The following MDGA2 variants were observed in gnomAD, a reference collection of about 807,000 sequenced individuals.
MDGA2 encodes MAM domain containing glycosylphosphatidylinositol anchor 2.
MDGA2 carries 40 observed loss-of-function variants against 117.8 expected under a neutral mutation model. The observed-to-expected ratio is 0.34, with a 90% CI of 0.26 to 0.44. MDGA2 has a LOEUF of 0.44. Among genes scored for constraint, MDGA2 ranks in the 20% least tolerant of loss-of-function variants. The pLI, the probability that MDGA2 is intolerant of heterozygous loss-of-function variation, is 1.00. For missense variants in MDGA2, 1,123 were observed against 1,250.6 expected (o/e 0.90, Z 1.54); for synonymous variants, 452 against 439.0 (o/e 1.03, Z -0.37).
chr14:46,873,113 T>A (rs552061699), intron 14 of MDGA2, among the ~76,000 whole-genome samples: 1 of 151,994 alleles, frequency 6.6e-6, no homozygotes. Context: ...TGTCGAAGCA[T>A]GTTTCTTCGG....
chr14:47,272,192 C>A (rs1594765585), intron 2 of MDGA2, among the ~76,000 whole-genome samples: 1 of 151,742 alleles, frequency 6.6e-6, no homozygotes, highest in African/African-American at 2.4e-5. Context: ...TCGTTGAGAC[C>A]TAACTACCTG....
At chr14:47,129,013 T>C (rs1882050126) in intron 5 of MDGA2, among the ~76,000 whole-genome samples, 1 of 152,150 alleles carries the variant, frequency 6.6e-6, no homozygotes, top group Non-Finnish European at 1.5e-5. Flanking sequence ...CTTATGATTA[T>C]TGATAAAGTT....
chr14:47,468,797 G>C (rs1208460375), intron 1 of MDGA2, among the ~76,000 whole-genome samples: 1 of 152,058 alleles, frequency 6.6e-6, no homozygotes, highest in Non-Finnish European at 1.5e-5. Context: ...CAGGTGCATT[G>C]CTTTTCACAT....
intron 1 of MDGA2, among the ~76,000 whole-genome samples, chr14:47,609,321 T>C (rs1165377968): frequency 6.7e-6 from 1 of 149,196 alleles, no homozygotes; most frequent in African/African-American, 2.5e-5. Flanking sequence ...CAATGTTTGG[T>C]TTTCCATTCC....
intron 1 of MDGA2, among the ~76,000 whole-genome samples, chr14:47,482,887 C>T (rs940555650): frequency 2.7e-5 from 4 of 145,974 alleles, no homozygotes; most frequent in Admixed American, 7.0e-5. Flanking sequence ...TCTGAAGGAT[C>T]GGATGGTGGA....
At chr14:47,597,074 T>C (rs778549772) in intron 1 of MDGA2, among the ~76,000 whole-genome samples, 40 of 152,158 alleles carry the variant, frequency 2.6e-4, no homozygotes, top group Non-Finnish European at 4.9e-4. Context: ...CTTCTTACTA[T>C]ATAGATGACT....
intron 2 of MDGA2, among the ~76,000 whole-genome samples, chr14:47,227,002 C>G (rs1183355408): frequency 6.6e-6 from 1 of 152,138 alleles, no homozygotes; most frequent in Non-Finnish European, 1.5e-5. Flanking sequence ...AGCTTTCCCT[C>G]TCTCATAAAG....
intron 1 of MDGA2, among the ~76,000 whole-genome samples, chr14:47,551,847 G>A (rs573829345): frequency 1.9e-4 from 29 of 151,704 alleles, no homozygotes; most frequent in African/African-American, 6.8e-4. Flanking sequence ...GTCCTTTCCC[G>A]GTAGATCTTA....
intron 1 of MDGA2, among the ~76,000 whole-genome samples, chr14:47,417,138 T>C (rs577404024): frequency 4.6e-5 from 7 of 152,366 alleles, no homozygotes; most frequent in African/African-American, 1.7e-4. Flanking sequence ...TTCTTTTCTA[T>C]ATAAATAAGT....
rs187237387 is a variant in MDGA2, at chr14:47,286,244, G to A, written c.420+15167C>T. Among the ~76,000 whole-genome samples the A allele has an allele frequency of 1.1e-3, 163 of 151,868 alleles. 1 individual carries two copies. The highest frequency in any genetic ancestry group is 9.0e-4 in the Non-Finnish European group (61 of 67,878). On this transcript the variant is annotated intron_variant, in intron 2 of 16. Transcript: ENST00000399232. The stretch of plus-strand genomic sequence containing the variant: ...TAAGTTAGGAACATTCCCAATCTAC[G>A]GTTTGAATTGTTTTGAAATGTAGAA...
At chr14:46,982,639 G>A (rs991358151) in intron 8 of MDGA2, among the ~76,000 whole-genome samples, 2 of 147,756 alleles carry the variant, frequency 1.4e-5, no homozygotes, top group Non-Finnish European at 3.0e-5. Context: ...AACCTGGGAG[G>A]TGGAGGTTGC....
intron 3 of MDGA2, among the ~76,000 whole-genome samples, chr14:47,185,440 T>G (rs1884872985): frequency 6.6e-6 from 1 of 151,560 alleles, no homozygotes; most frequent in Admixed American, 6.6e-5. Context: ...GTCAGAAAGT[T>G]TAAGCAATTT....
chr14:47,456,706 TA>T lies in MDGA2; in HGVS notation c.281-155157del, dbSNP rs528742791. On this transcript the variant is annotated intron_variant, in intron 1 of 16. Coordinates refer to ENST00000399232, the MANE Select transcript of MDGA2 (RefSeq NM_001113498.3). ...AGAATGCCCGTTTGTGAGAGATAAATAAATGCACACGATTAAATGGAATAAA... is the reference window on the plus strand; with the variant it reads ...AGAATGCCCGTTTGTGAGAGATAAATAATGCACACGATTAAATGGAATAAA... 7.9e-5 allele frequency among the ~76,000 whole-genome samples: 12 copies of T among 152,224 alleles called. No individual in the cohort carries two copies. In the East Asian group the frequency reaches 2.3e-3, roughly 29 times the overall value.
At chr14:46,857,107 C>A (rs1201462109) in intron 14 of MDGA2, among the ~76,000 whole-genome samples, 1 of 152,148 alleles carries the variant, frequency 6.6e-6, no homozygotes, top group African/African-American at 2.4e-5. Flanking sequence ...ACATTGTAAA[C>A]CTTACCTTCC....
intron 2 of MDGA2, among the ~76,000 whole-genome samples, chr14:47,222,126 A>G (rs1407643830): frequency 6.6e-6 from 1 of 152,098 alleles, no homozygotes; most frequent in Non-Finnish European, 1.5e-5. Flanking sequence ...AGAGCCTACT[A>G]GACTGAATTT....
chr14:47,222,577 C>T (rs1009271078), intron 2 of MDGA2, among the ~76,000 whole-genome samples: 1 of 151,862 alleles, frequency 6.6e-6, no homozygotes, highest in African/African-American at 2.4e-5. Context: ...ACAGGACAAA[C>T]TAAAAAAATA....
intron 3 of MDGA2, among the ~76,000 whole-genome samples, chr14:47,199,846 A>G (rs1885425014): frequency 1.3e-5 from 2 of 152,300 alleles, no homozygotes; most frequent in South Asian, 4.1e-4. Context: ...AATGTATGAC[A>G]TTTCTACTTC....
chr14:47,338,762 G>C (rs1440055364), intron 1 of MDGA2, among the ~76,000 whole-genome samples: 4 of 152,000 alleles, frequency 2.6e-5, no homozygotes, highest in Non-Finnish European at 5.9e-5. Context: ...TTCACAGAAG[G>C]CATGTTTTCG....
chr14:46,997,969 G>T (rs376223727), intron 8 of MDGA2, among the ~76,000 whole-genome samples: 2 of 152,100 alleles, frequency 1.3e-5, no homozygotes, highest in African/African-American at 4.8e-5. Context: ...AAGGCCAATG[G>T]TGATTTTGTT....
Sources: gnomAD v4.1 joint callset for allele counts (sites outside exome capture counted in the v4.1 genomes callset) on GRCh38, gnomAD v4.1.1 for gene constraint, MANE v1.5 for transcripts, NCBI Gene and HGNC (gene_info 2026-07-23, HGNC 2026-07-21) for gene names.